Variants in NAV2 observed in about 807,000 individuals in gnomAD.
The protein encoded by NAV2 is neuron navigator 2, also known as helicase, APC down-regulated 1.
A neutral mutation model predicts 223.2 loss-of-function variants in NAV2; 54 were observed. That is an observed-to-expected ratio of 0.24 (90% CI 0.19 to 0.30). The LOEUF is 0.30. Among genes scored for constraint, NAV2 ranks in the 10% least tolerant of loss-of-function variants. NAV2 has a pLI of 1.00. For synonymous variants in NAV2, 1,279 were observed against 1,239.3 expected (o/e 1.03, Z -0.67); for missense variants, 2,806 against 3,147.5 (o/e 0.89, Z 2.60).
intron 11 of NAV2, among the ~76,000 whole-genome samples, chr11:19,989,570 A>G (rs1015020552): frequency 6.6e-6 from 1 of 152,212 alleles, no homozygotes; most frequent in East Asian, 1.9e-4. Flanking sequence ...GAAAACTGAC[A>G]TAAACTTATG....
At chr11:19,559,616 T>C (rs1031432029) in intron 1 of NAV2, among the ~76,000 whole-genome samples, 1 of 152,092 alleles carries the variant, frequency 6.6e-6, no homozygotes, top group Non-Finnish European at 1.5e-5. Flanking sequence ...TGGCTGAGGG[T>C]GGATGGCAGG....
At chr11:19,714,146 C>A in intron 1 of NAV2, 184 bp downstream of exon 1, 1 of 884,254 alleles carries the variant, frequency 1.1e-6, no homozygotes, top group Non-Finnish European at 1.8e-6. Context: ...GTGGGTGTGG[C>A]CCGGGTGCCG....
At chr11:19,706,363 CA>C (rs1233991268) in intron 1 of NAV2, among the ~76,000 whole-genome samples, 1 of 151,956 alleles carries the variant, frequency 6.6e-6, no homozygotes, top group African/African-American at 2.4e-5. Flanking sequence ...AGGGTAAAAG[CA>C]AAAAAATTCT....
intron 1 of NAV2, among the ~76,000 whole-genome samples, chr11:19,465,738 T>G (rs1302597816): frequency 6.6e-6 from 1 of 152,268 alleles, no homozygotes; most frequent in Non-Finnish European, 1.5e-5. Flanking sequence ...TCCTCAAAAC[T>G]ATCCCGTAAT....
At chr11:19,832,407 C>G in intron 1 of NAV2, 77 bp from the exon 2 acceptor site, 1 of 1,110,916 alleles carries the variant, frequency 9.0e-7, no homozygotes, top group Non-Finnish European at 1.4e-6. Flanking sequence ...GCCACTGTGC[C>G]GGCCCGAGCA....
chr11:19,866,841 G>A (rs1424108677), intron 3 of NAV2, among the ~76,000 whole-genome samples: 1 of 152,108 alleles, frequency 6.6e-6, no homozygotes, highest in Non-Finnish European at 1.5e-5. Context: ...TGCAATAAGA[G>A]ATTCCGGGAT....
At chr11:19,723,324 A>T (rs1425225) in intron 1 of NAV2, among the ~76,000 whole-genome samples, 150,991 of 152,292 alleles carry the variant, frequency 0.99, 74,863 homozygotes, top group Middle Eastern at 1. Flanking sequence ...AAAATAGGAG[A>T]CAGTGAGAGG....
At chr11:19,779,100 T>C (rs937578791) in intron 1 of NAV2, among the ~76,000 whole-genome samples, 16 of 152,198 alleles carry the variant, frequency 1.1e-4, no homozygotes, top group African/African-American at 3.6e-4. Flanking sequence ...GGAGGGAGCT[T>C]TCCTCAACAA....
At chr11:19,860,147 G>T (rs1304966351) in intron 3 of NAV2, among the ~76,000 whole-genome samples, 2 of 146,324 alleles carry the variant, frequency 1.4e-5, no homozygotes, top group Admixed American at 6.7e-5. Context: ...CCTCCCGGAC[G>T]GGGCGGCTGG....
chr11:19,884,197 A>G lies in NAV2; in HGVS notation c.770+4070A>G, dbSNP rs571616770. The G allele has an allele frequency of 3.8e-5, 32 of 851,902 alleles. No individual in the cohort carries two copies. In the African/African-American group the frequency reaches 5.2e-4, roughly 14 times the overall value. The allele number at this position is 851,902 out of a possible 1,614,324, so 52.8% of individuals were successfully genotyped here. On this transcript the variant is annotated intron_variant, in intron 5 of 37. Coordinates refer to ENST00000349880, the MANE Select transcript of NAV2 (RefSeq NM_145117.5). ...TGGGCAGGGGGGGAAAGAAACAGCA[A>G]CATCCCCATTGTCAGAAGACTCTTA...
intron 1 of NAV2, among the ~76,000 whole-genome samples, chr11:19,806,773 G>T (rs371069960): frequency 6.6e-6 from 1 of 152,146 alleles, no homozygotes. Flanking sequence ...CTTAAGCCTC[G>T]CTGTCCCACT....
intron 3 of NAV2, among the ~76,000 whole-genome samples, chr11:19,846,939 G>C (rs1471810164): frequency 6.6e-6 from 1 of 152,140 alleles, no homozygotes; most frequent in African/African-American, 2.4e-5. Context: ...CTTGGAGATG[G>C]AGCTTTAGAA....
chr11:19,453,279 G>A (rs560129924), intron 1 of NAV2, among the ~76,000 whole-genome samples: 4 of 152,272 alleles, frequency 2.6e-5, no homozygotes, highest in South Asian at 2.1e-4. Flanking sequence ...GATCCCAGCT[G>A]AGTACAAATG....
intron 1 of NAV2, among the ~76,000 whole-genome samples, chr11:19,379,816 G>A (rs1346518775): frequency 3.3e-5 from 5 of 152,068 alleles, no homozygotes; most frequent in South Asian, 2.1e-4. Flanking sequence ...ATCCAGCCAC[G>A]TAATTCTCTT....
At chr11:20,051,204 C>G in intron 16 of NAV2, 85 bp from the exon 17 acceptor site, 2 of 1,106,202 alleles carry the variant, frequency 1.8e-6, no homozygotes. Flanking sequence ...TCTCCAGGGC[C>G]CTTCAGTCCC....
At chr11:20,080,254 T>C (rs2060007617) in intron 25 of NAV2, 45 bp downstream of exon 25, 1 of 1,581,038 alleles carries the variant, frequency 6.3e-7, no homozygotes. Flanking sequence ...ACAGAGTCAG[T>C]TGCAGAACTG....
intron 7 of NAV2, among the ~76,000 whole-genome samples, chr11:19,937,359 C>CCT (rs563793601): frequency 3.3e-5 from 5 of 151,446 alleles, no homozygotes; most frequent in African/African-American, 1.2e-4. Flanking sequence ...GCTCCCCCCC[C>CCT]GCCCACCAAA....
intron 11 of NAV2, among the ~76,000 whole-genome samples, chr11:20,032,680 T>G (rs981520020): frequency 8.5e-5 from 13 of 152,222 alleles, no homozygotes; most frequent in Non-Finnish European, 1.9e-4. Flanking sequence ...ACGCCATGCT[T>G]TCCCAATCAG....
Position 19,998,976 on chromosome 11 carries a change from C to T in NAV2, c.2768+14729C>T, listed in dbSNP as rs946992636. ...CTCCGTTTGCAGGTGAATCCCCTCTCCCAGCACAGGGCCCGTCCAGAGAGG... is the reference window on the plus strand; with the variant it reads ...CTCCGTTTGCAGGTGAATCCCCTCTTCCAGCACAGGGCCCGTCCAGAGAGG... On this transcript the variant is annotated intron_variant, in intron 11 of 37. Coordinates refer to ENST00000349880, the MANE Select transcript of NAV2 (RefSeq NM_145117.5). The surrounding 1 kb of genome is among the most constrained non-coding windows in gnomAD (Gnocchi z 5.0). Among the ~76,000 whole-genome samples, 1 of 152,248 alleles carries T rather than the reference C, an allele frequency of 6.6e-6. No homozygotes were observed. Among genetic ancestry groups the T allele is most frequent in the Non-Finnish European group, 1.5e-5 (1 of 68,052 alleles).
Sources: allele counts gnomAD v4.1 joint callset (sites outside exome capture counted in the v4.1 genomes callset), GRCh38; gene constraint gnomAD v4.1.1; non-coding constraint Gnocchi (gnomAD v3.1); transcripts MANE v1.5; gene names NCBI Gene and HGNC (gene_info 2026-07-23, HGNC 2026-07-21).